ITGBL1: variants seen among roughly 807,000 people sequenced by gnomAD.
ITGBL1 encodes the protein integrin beta-like protein 1.
Under a neutral mutation model 68.5 loss-of-function variants are expected in ITGBL1, and 51 were observed. The observed-to-expected ratio is 0.74, with a 90% confidence interval of 0.59 to 0.94. ITGBL1 has a LOEUF of 0.94. ITGBL1 is among the 40% of genes least tolerant of loss of function. The pLI is 0.00. For synonymous variants in ITGBL1, 209 were observed against 227.3 expected (o/e 0.92, Z 0.72); for missense variants, 649 against 647.4 (o/e 1.00, Z -0.03).
intron 7 of ITGBL1, among the ~76,000 whole-genome samples, chr13:101,631,270 A>G (rs1159241545): frequency 6.6e-6 from 1 of 152,162 alleles, no homozygotes; most frequent in Non-Finnish European, 1.5e-5. Flanking sequence ...TTTCACTGCT[A>G]TGATTATACA....
chr13:101,648,568 C>G (rs2032639381), intron 7 of ITGBL1, among the ~76,000 whole-genome samples: 1 of 151,784 alleles, frequency 6.6e-6, no homozygotes, highest in Non-Finnish European at 1.5e-5. Context: ...TATATAAAGG[C>G]AAGAAAATTA....
At chr13:101,678,165 A>G (rs1298506412) in intron 7 of ITGBL1, among the ~76,000 whole-genome samples, 2 of 152,238 alleles carry the variant, frequency 1.3e-5, no homozygotes, top group African/African-American at 4.8e-5. Context: ...AATTTGCATC[A>G]TCCCAAATTC....
intron 7 of ITGBL1, among the ~76,000 whole-genome samples, chr13:101,655,578 T>C (rs769719301): frequency 3.9e-5 from 6 of 151,970 alleles, no homozygotes; most frequent in Non-Finnish European, 8.8e-5. Context: ...CTTTCTATTA[T>C]TTCTGTGTGT....
At chr13:101,493,076 G>A (rs1207730752) in intron 2 of ITGBL1, among the ~76,000 whole-genome samples, 1 of 152,088 alleles carries the variant, frequency 6.6e-6, no homozygotes, top group Non-Finnish European at 1.5e-5. Flanking sequence ...TGGAAGGGGA[G>A]GTAGAAATTA....
At chr13:101,554,065 C>T (rs555787504) in intron 2 of ITGBL1, among the ~76,000 whole-genome samples, 10 of 152,300 alleles carry the variant, frequency 6.6e-5, no homozygotes, top group African/African-American at 2.2e-4. Context: ...TGAGCCCCCG[C>T]TGTGCCCGGC....
At chr13:101,612,378 A>G (rs1448194743) in intron 7 of ITGBL1, among the ~76,000 whole-genome samples, 1 of 152,170 alleles carries the variant, frequency 6.6e-6, no homozygotes, top group Non-Finnish European at 1.5e-5. Flanking sequence ...ATAATAGTTA[A>G]CCAAAGGAAG....
intron 2 of ITGBL1, among the ~76,000 whole-genome samples, chr13:101,559,774 G>A (rs996620741): frequency 1.3e-5 from 2 of 152,146 alleles, no homozygotes; most frequent in South Asian, 4.1e-4. Flanking sequence ...GAAAAACAAA[G>A]CCCATCTCAC....
intron 2 of ITGBL1, among the ~76,000 whole-genome samples, chr13:101,481,722 A>C (rs1011871009): frequency 6.6e-6 from 1 of 152,104 alleles, no homozygotes; most frequent in Non-Finnish European, 1.5e-5. Flanking sequence ...TGTTCTCTCT[A>C]TATATACTCC....
intron 2 of ITGBL1, among the ~76,000 whole-genome samples, chr13:101,456,947 T>C (rs548314160): frequency 6.6e-6 from 1 of 152,276 alleles, no homozygotes; most frequent in Non-Finnish European, 1.5e-5. Flanking sequence ...GGAGACAATT[T>C]CCAGGATTCA....
chr13:101,535,459 T>A (rs561614051), intron 2 of ITGBL1, among the ~76,000 whole-genome samples: 2 of 152,220 alleles, frequency 1.3e-5, no homozygotes, highest in South Asian at 4.1e-4. Flanking sequence ...TATTTTAGTT[T>A]AAACTTTCAA....
At chr13:101,613,602 G>C (rs1224848715) in intron 7 of ITGBL1, among the ~76,000 whole-genome samples, 5 of 152,094 alleles carry the variant, frequency 3.3e-5, no homozygotes, top group African/African-American at 1.2e-4. Context: ...GACAACTCAG[G>C]GAAGATGGCA....
intron 7 of ITGBL1, among the ~76,000 whole-genome samples, chr13:101,674,804 A>G (rs926325306): frequency 6.6e-6 from 1 of 151,958 alleles, no homozygotes; most frequent in Non-Finnish European, 1.5e-5. Context: ...TAATATTTAC[A>G]TTCTAGATTT....
At chr13:101,469,805 A>G (rs1035693547) in intron 2 of ITGBL1, among the ~76,000 whole-genome samples, 1 of 152,210 alleles carries the variant, frequency 6.6e-6, no homozygotes, top group African/African-American at 2.4e-5. Context: ...TGAATTTAAC[A>G]ATCTTTTCCT....
chr13:101,644,722 T>A (rs2032503721), intron 7 of ITGBL1, among the ~76,000 whole-genome samples: 1 of 152,178 alleles, frequency 6.6e-6, no homozygotes, highest in Non-Finnish European at 1.5e-5. Context: ...TGAATTTGTC[T>A]AAGAAAAATC....
intron 4 of ITGBL1, among the ~76,000 whole-genome samples, chr13:101,578,449 T>C (rs1217741098): frequency 6.6e-6 from 1 of 151,998 alleles, no homozygotes; most frequent in Non-Finnish European, 1.5e-5. Context: ...ACTACAAAGA[T>C]GAGAGTATAA....
intron 2 of ITGBL1, among the ~76,000 whole-genome samples, chr13:101,533,010 C>G (rs1247376998): frequency 1.3e-5 from 2 of 152,214 alleles, no homozygotes; most frequent in South Asian, 4.2e-4. Flanking sequence ...AAGCATAGGC[C>G]AAAGCTGAAT....
At chr13:101,525,778 C>T (rs1321712362) in intron 2 of ITGBL1, among the ~76,000 whole-genome samples, 2 of 151,950 alleles carry the variant, frequency 1.3e-5, no homozygotes, top group Non-Finnish European at 2.9e-5. Flanking sequence ...TAGAGTATTA[C>T]AGTTAAAACT....
At chr13:101,605,486 A>G (rs1391715673) in intron 7 of ITGBL1, among the ~76,000 whole-genome samples, 3 of 100,772 alleles carry the variant, frequency 3.0e-5, no homozygotes, top group East Asian at 6.2e-4. Context: ...GTATATATAC[A>G]CATATATAGA....
rs565831331 is a variant in ITGBL1 at position 101,490,096 on chromosome 13, T to C, written c.316+35996T>C. On this transcript the variant is annotated intron_variant, in intron 2 of 10. Transcript: ENST00000376180. ...TCTGTGTTGAAATTCTAACCCCCAGTGTGATGGTATTTGGAGGTGGGGCCT... is the reference window on the plus strand; with the variant it reads ...TCTGTGTTGAAATTCTAACCCCCAGCGTGATGGTATTTGGAGGTGGGGCCT... The C allele has an allele frequency of 5.0e-4, 398 of 792,222 alleles. 1 individual carries two copies. Among genetic ancestry groups the C allele is most frequent in the Non-Finnish European group, 5.4e-4 (261 of 487,594 alleles). The allele number at this position is 792,222 out of a possible 1,614,324, so 49.1% of individuals were successfully genotyped here. A position where few individuals can be genotyped will look rare whatever the true frequency, so the allele number is the denominator to read the frequency against.
Sources: gnomAD v4.1 joint callset for allele counts (sites outside exome capture counted in the v4.1 genomes callset) on GRCh38, gnomAD v4.1.1 for gene constraint, MANE v1.5 for transcripts, NCBI Gene and HGNC (gene_info 2026-07-23, HGNC 2026-07-21) for gene names.